GCN1: variants seen among roughly 807,000 people sequenced by gnomAD.
The protein encoded by GCN1 is stalled ribosome sensor GCN1.
Under a neutral mutation model 288.4 loss-of-function variants are expected in GCN1, and 90 were observed. The ratio of observed to expected loss-of-function variants is 0.31; its 90% confidence interval spans 0.26 to 0.37. The LOEUF is 0.37. GCN1 is among the 10% of genes least tolerant of loss of function. The pLI, the probability that GCN1 is intolerant of heterozygous loss-of-function variation, is 1.00. For missense variants in GCN1, 2,586 were observed against 3,419.9 expected, an observed-to-expected ratio of 0.76 and a Z score of 6.08; for synonymous variants, 1,386 against 1,420.2, an observed-to-expected ratio of 0.98 and a Z score of 0.54.
Position 120,131,341 on chromosome 12 carries a change from G to C in GCN1, c.7415-8C>G, listed in dbSNP as rs760028316. 2 of 1,613,368 alleles carry C rather than the reference G, an allele frequency of 1.2e-6. No homozygotes were observed. Among genetic ancestry groups the C allele is most frequent in the Non-Finnish European group, 1.7e-6 (2 of 1,179,908 alleles). ...CAATGCCGGACACGTCCGCTGGGTG[G>C]AAGGACACGACTGGGATCAACCGGT... On this transcript the variant is annotated splice_polypyrimidine_tract_variant and splice_region_variant and intron_variant, in intron 54 of 57. Transcript: ENST00000300648.
intron 24 of GCN1, among the ~76,000 whole-genome samples, chr12:120,159,135 G>A (rs1172027031): frequency 6.6e-6 from 1 of 152,178 alleles, no homozygotes; most frequent in African/African-American, 2.4e-5. Flanking sequence ...TTTAAGAAAT[G>A]AGTACGCTGA....
chr12:120,151,807 G>A (rs1877562847), intron 33 of GCN1, among the ~76,000 whole-genome samples: 1 of 152,140 alleles, frequency 6.6e-6, no homozygotes, highest in African/African-American at 2.4e-5. Context: ...ATTGGGCAGG[G>A]CCTTATAGGA....
chr12:120,176,971 G>A (rs1236954696), intron 9 of GCN1, among the ~76,000 whole-genome samples: 1 of 152,038 alleles, frequency 6.6e-6, no homozygotes, highest in South Asian at 2.1e-4. Flanking sequence ...TAACCATGTT[G>A]GTCAGGCTGG....
At chr12:120,175,653 G>T in intron 11 of GCN1, 93 bp downstream of exon 11, 1 of 1,342,214 alleles carries the variant, frequency 7.5e-7, no homozygotes, top group Non-Finnish European at 1.0e-6. Context: ...GCCACAGGCA[G>T]ACTTGGAGCA....
intron 22 of GCN1, among the ~76,000 whole-genome samples, chr12:120,160,942 G>A (rs1178865934): frequency 1.3e-5 from 2 of 152,172 alleles, no homozygotes; most frequent in African/African-American, 4.8e-5. Context: ...CTTTGGATAG[G>A]GTGGACAAGC....
chr12:120,165,156 C>T (rs912279512), intron 16 of GCN1, among the ~76,000 whole-genome samples: 10 of 151,928 alleles, frequency 6.6e-5, no homozygotes, highest in Non-Finnish European at 1.5e-4. Context: ...ACACCATTCT[C>T]CTGCCTCGGC....
chr12:120,164,435 C>T lies in GCN1; in HGVS notation c.1749G>A (p.Gln583=), dbSNP rs1263172900. Residue 583 remains glutamine (Q), a synonymous_variant, in exon 18 of 58, where the codon CAG becomes CAA. Transcript: ENST00000300648. ...GCAGCTTCCGAACTGTCTGCTGAGC[C>T]TGCCTGCGGACGTGCCAGGTGCGGC... ...LLSRTWHVRR[Q]AQQTVRKLLS... is the part of the protein sequence containing the mutation. 2.5e-6 allele frequency: 4 copies of T among 1,614,064 alleles called. No individual in the cohort carries two copies. Among genetic ancestry groups the T allele is most frequent in the Non-Finnish European group, 3.4e-6 (4 of 1,179,994 alleles).
At chr12:120,175,255 AT>A in intron 11 of GCN1, 43 bp from the exon 12 acceptor site, 1 of 1,542,972 alleles carries the variant, frequency 6.5e-7, no homozygotes. Context: ...CATATGCCAC[AT>A]TTCCCAAGAG....
In GCN1 at chr12:120,137,148, G is replaced by T; in HGVS notation, c.6777+58C>A. The T allele has an allele frequency of 1.6e-6, 2 of 1,278,684 alleles. No homozygotes were observed. Among genetic ancestry groups the T allele is most frequent in the Non-Finnish European group, 2.3e-6 (2 of 876,276 alleles). The allele number at this position is 1,278,684 out of a possible 1,614,324, so 79.2% of individuals were successfully genotyped here. The stretch of plus-strand genomic sequence containing the variant: ...CCGCAGACCTGGGACAGGGGTAAGG[G>T]CCAGAAGGGCACAACAGACTGCACG... On this transcript the variant is annotated intron_variant, in intron 50 of 57. Coordinates refer to ENST00000300648, the MANE Select transcript of GCN1 (RefSeq NM_006836.2). The surrounding 1 kb of genome is among the most constrained non-coding windows in gnomAD (Gnocchi z 5.2).
At chr12:120,164,274 T>G (rs2286049) in intron 18 of GCN1, 62 bp downstream of exon 18, 263,945 of 1,472,156 alleles carry the variant, frequency 0.18, 30,526 homozygotes, top group East Asian at 0.55. Flanking sequence ...AAACCCCACA[T>G]CGTAAGCAGG....
chr12:120,161,271 G>C (rs936275505), intron 22 of GCN1, among the ~76,000 whole-genome samples: 1 of 150,940 alleles, frequency 6.6e-6, no homozygotes, highest in Non-Finnish European at 1.5e-5. Context: ...GCACCCAGCA[G>C]AGAAAGAAAC....
At chr12:120,129,955 G>A (rs1326435162) in intron 56 of GCN1, among the ~76,000 whole-genome samples, 1 of 152,218 alleles carries the variant, frequency 6.6e-6, no homozygotes, top group Non-Finnish European at 1.5e-5. Context: ...ACAAGCGGGT[G>A]CAGGCTGATG....
In GCN1 at chr12:120,189,964, C is replaced by T. The variant is rs141059680; in HGVS notation, c.121+334G>A. ...CACTGCACTCCAGCCTGGGTGACATCGTGAGACTCTGTCTCAAAAAGAAGA... is the reference window on the plus strand; with the variant it reads ...CACTGCACTCCAGCCTGGGTGACATTGTGAGACTCTGTCTCAAAAAGAAGA... On this transcript the variant is annotated intron_variant, in intron 2 of 57. Coordinates refer to ENST00000300648, the MANE Select transcript of GCN1 (RefSeq NM_006836.2). 9.7e-4 allele frequency among the ~76,000 whole-genome samples: 147 copies of T among 151,880 alleles called. 1 individual carries two copies. The highest frequency in any genetic ancestry group is 3.4e-3 in the African/African-American group (140 of 41,452).
At position 120,158,806 on chromosome 12, in the gene GCN1, A is replaced by G. The variant is rs2139112164; in HGVS notation, c.2750-191T>C. Among the ~76,000 whole-genome samples, 1 of 152,096 alleles carries G rather than the reference A, an allele frequency of 6.6e-6. No individual in the cohort carries two copies. Among genetic ancestry groups the G allele is most frequent in the East Asian group, 1.9e-4 (1 of 5,154 alleles). ...GGCGGGCGGATCATGAGGTCAGGAG[A>G]TTGAGACCATCCTGGCTAACACGGT... On this transcript the variant is annotated intron_variant, in intron 24 of 57. Coordinates refer to ENST00000300648, the MANE Select transcript of GCN1 (RefSeq NM_006836.2). This position sits in a 1 kb window ranked among gnomAD's most constrained non-coding sequence, Gnocchi z 4.3.
At chr12:120,149,476 A>G (rs1594267975) in intron 36 of GCN1, 130 bp downstream of exon 36, 2 of 656,388 alleles carry the variant, frequency 3.0e-6, no homozygotes, top group African/African-American at 3.6e-5. Context: ...AATTTTTAAA[A>G]AGGCAGAGTC....
rs534107738 is a variant in GCN1 at position 120,153,619 on chromosome 12, C to G, written c.3867+125G>C. 1 of 994,048 alleles carries G rather than the reference C, an allele frequency of 1.0e-6. No individual in the cohort carries two copies. The highest frequency in any genetic ancestry group is 1.6e-5 in the South Asian group (1 of 64,140). 61.6% of individuals were successfully genotyped at this position (994,048 alleles called of 1,614,324 possible). ...GGTCTTTTTGGCTCAAAGTGCTCTG[C>G]CAGGACTCTTGGCACTCAGCATTTC... On this transcript the variant is annotated intron_variant, in intron 32 of 57. Transcript: ENST00000300648. This position sits in a 1 kb window ranked among gnomAD's most constrained non-coding sequence, Gnocchi z 4.4.
chr12:120,183,386 C>A (rs992378249), intron 5 of GCN1, among the ~76,000 whole-genome samples, 183 bp downstream of exon 5: 4 of 152,230 alleles, frequency 2.6e-5, no homozygotes, highest in Admixed American at 6.5e-5. Context: ...ATGTCTAATA[C>A]ACCAAACAAT....
intron 5 of GCN1, among the ~76,000 whole-genome samples, chr12:120,182,105 C>T (rs1434024085): frequency 3.3e-5 from 5 of 151,374 alleles, no homozygotes; most frequent in Non-Finnish European, 5.9e-5. Flanking sequence ...GCCGAGATTG[C>T]GCCACTGCAT....
In GCN1 at chr12:120,159,784, C is replaced by T. The variant is rs187791731; in HGVS notation, c.2749+41G>A. ...CACACCCTGTCCAAGCACTCAGGGG[C>T]ACCCCTGGGCCATCCCTGCAGCCAG... On this transcript the variant is annotated intron_variant, in intron 24 of 57. Transcript: ENST00000300648. 40 of 1,560,538 alleles carry T rather than the reference C, an allele frequency of 2.6e-5. No individual in the cohort carries two copies. The East Asian group carries it at 7.4e-4, about 29-fold the overall frequency.
Sources: allele counts gnomAD v4.1 joint callset (sites outside exome capture counted in the v4.1 genomes callset), GRCh38; gene constraint gnomAD v4.1.1; non-coding constraint Gnocchi (gnomAD v3.1); transcripts MANE v1.5; gene names NCBI Gene and HGNC (gene_info 2026-07-23, HGNC 2026-07-21).